Variants in EFHB observed in about 807,000 individuals in gnomAD.
The protein encoded by EFHB is EF-hand domain family member B.
A neutral mutation model predicts 87.2 loss-of-function variants in EFHB; 91 were observed. The ratio of observed to expected loss-of-function variants is 1.04; its 90% CI spans 0.88 to 1.24. The LOEUF is 1.24. EFHB is among the 50% of genes most tolerant of loss of function. EFHB has a pLI of 0.00. For missense variants in EFHB, 1,084 were observed against 998.8 expected, an observed-to-expected ratio of 1.09 and a Z score of -1.15; for synonymous variants, 325 against 333.6, an observed-to-expected ratio of 0.97 and a Z score of 0.28.
At chr3:19,927,943 T>C (rs1217460581) in intron 1 of EFHB, among the ~76,000 whole-genome samples, 1 of 148,678 alleles carries the variant, frequency 6.7e-6, no homozygotes, top group Non-Finnish European at 1.5e-5. Flanking sequence ...CTATAGTATA[T>C]ATATAGTATA....
At chr3:19,919,572 T>G (rs952100777) in intron 3 of EFHB, among the ~76,000 whole-genome samples, 9 of 152,172 alleles carry the variant, frequency 5.9e-5, no homozygotes, top group Non-Finnish European at 1.0e-4. Context: ...GAAAATGGAA[T>G]GCAACTAGGC....
At chr3:19,885,225 A>G (rs923766814) in intron 10 of EFHB, among the ~76,000 whole-genome samples, 95 of 151,656 alleles carry the variant, frequency 6.3e-4, no homozygotes, top group African/African-American at 2.1e-3. Context: ...TTCGTCTCAA[A>G]AAAAAAAAAA....
chr3:19,931,154 C>T (rs1207680767), intron 1 of EFHB, among the ~76,000 whole-genome samples: 1 of 152,024 alleles, frequency 6.6e-6, no homozygotes, highest in Non-Finnish European at 1.5e-5. Context: ...TGGAGTGAGA[C>T]TCTGTCTCAA....
intron 1 of EFHB, among the ~76,000 whole-genome samples, chr3:19,929,998 T>C (rs1695775631): frequency 6.6e-6 from 1 of 152,200 alleles, no homozygotes; most frequent in South Asian, 2.1e-4. Flanking sequence ...TCCATTTCTT[T>C]ACCTGTAAAA....
chr3:19,915,048 T>C (rs1400890343), intron 5 of EFHB, among the ~76,000 whole-genome samples: 2 of 151,736 alleles, frequency 1.3e-5, no homozygotes, highest in African/African-American at 2.4e-5. Flanking sequence ...ACCATGATCA[T>C]ACCACTGCAC....
intron 9 of EFHB, among the ~76,000 whole-genome samples, chr3:19,890,818 T>C (rs77145836): frequency 0.055 from 8,423 of 152,226 alleles, 344 homozygotes; most frequent in Middle Eastern, 0.082. Context: ...AGACCTCTTT[T>C]GAAAAGCAGC....
intron 6 of EFHB, among the ~76,000 whole-genome samples, chr3:19,900,619 C>G (rs915463619): frequency 1.3e-5 from 2 of 151,982 alleles, no homozygotes; most frequent in Admixed American, 6.6e-5. Flanking sequence ...TGATATAATC[C>G]AGATAGCAAT....
chr3:19,884,742 T>C (rs1694034275), intron 10 of EFHB, 127 bp from the exon 11 acceptor site: 3 of 829,246 alleles, frequency 3.6e-6, no homozygotes, highest in Non-Finnish European at 5.6e-6. Context: ...GCATGACCCC[T>C]CCACTGACCC....
intron 5 of EFHB, among the ~76,000 whole-genome samples, chr3:19,907,755 A>C (rs542589850): frequency 6.6e-6 from 1 of 152,358 alleles, no homozygotes; most frequent in East Asian, 1.9e-4. Flanking sequence ...ACTAGAGAAC[A>C]ACCAAGAGGG....
intron 1 of EFHB, among the ~76,000 whole-genome samples, chr3:19,939,561 T>G (rs1696108205): frequency 6.6e-6 from 1 of 151,664 alleles, no homozygotes; most frequent in East Asian, 1.9e-4. Context: ...ATTTTTTGTA[T>G]TTTTAGTAGC....
chr3:19,895,347 T>C (rs1694445004), intron 9 of EFHB, among the ~76,000 whole-genome samples: 1 of 151,512 alleles, frequency 6.6e-6, no homozygotes, highest in Non-Finnish European at 1.5e-5. Flanking sequence ...TCGGGCCTGG[T>C]GGCGGGCACC....
At position 19,882,742 on chromosome 3, in the gene EFHB, G is replaced by A; in HGVS notation, c.2147-11C>T. The A allele has an allele frequency of 1.9e-6, 3 of 1,606,590 alleles. No homozygotes were observed. Among genetic ancestry groups the A allele is most frequent in the Non-Finnish European group, 2.6e-6 (3 of 1,175,218 alleles). ...CACAAATGGGGTAACCTAGGTCATT[G>A]ATGAGGGAAGAAAACAGACATTCTA... On this transcript the variant is annotated splice_polypyrimidine_tract_variant and intron_variant, in intron 11 of 12. Transcript: ENST00000295824.
chr3:19,928,493 C>G (rs1296625864), intron 1 of EFHB, among the ~76,000 whole-genome samples: 14 of 152,104 alleles, frequency 9.2e-5, no homozygotes, highest in Admixed American at 9.2e-4. Context: ...GCTCTGTCGC[C>G]CAGGACAGTG....
chr3:19,923,481 T>TCC (rs997938840), intron 1 of EFHB, among the ~76,000 whole-genome samples: 1 of 152,132 alleles, frequency 6.6e-6, no homozygotes, highest in Non-Finnish European at 1.5e-5. Context: ...TCTACCATCC[T>TCC]CCCACCTCAG....
chr3:19,894,563 C>A (rs541105801), intron 9 of EFHB: 1 of 152,160 alleles, frequency 6.6e-6, no homozygotes, highest in Non-Finnish European at 1.5e-5. Context: ...AATGTGGCAT[C>A]CAATAATATA....
chr3:19,920,531 T>C lies in EFHB; in HGVS notation c.826A>G (p.Thr276Ala), dbSNP rs1169244936. 1.2e-6 allele frequency: 2 copies of C among 1,604,554 alleles called. No homozygotes were observed. Among genetic ancestry groups the C allele is most frequent in the Non-Finnish European group, 1.7e-6 (2 of 1,176,752 alleles). The stretch of plus-strand genomic sequence containing the variant: ...CTGGGAAGTTTTTCAGTCAAGCAGG[T>C]TGCAACTCTGTAACCAACTGGAATA... ...KVIPVGYRVA[T>A]CLTEKLPRLI... The change falls in exon 2 of 13, where the codon ACC (threonine) becomes GCC (alanine). Residue 276 changes from threonine to alanine, a missense_variant. Physicochemically the swap from Thr to Ala is moderately conservative, Grantham distance 58 (BLOSUM62 0). Transcript: ENST00000295824.
chr3:19,905,387 C>A (rs1315461587), intron 6 of EFHB, among the ~76,000 whole-genome samples: 1 of 151,618 alleles, frequency 6.6e-6, no homozygotes, highest in Non-Finnish European at 1.5e-5. Flanking sequence ...TGTTTGCTTG[C>A]AACTTCAGAA....
chr3:19,904,815 CG>C (rs1302675510), intron 6 of EFHB, among the ~76,000 whole-genome samples: 6 of 152,066 alleles, frequency 3.9e-5, no homozygotes, highest in Non-Finnish European at 2.9e-5. Context: ...TTGTGGAGGG[CG>C]GGGCGGCACC....
At chr3:19,907,941 C>A (rs1694893323) in intron 5 of EFHB, among the ~76,000 whole-genome samples, 1 of 152,140 alleles carries the variant, frequency 6.6e-6, no homozygotes, top group South Asian at 2.1e-4. Flanking sequence ...AATGGATATT[C>A]TCATACTCTG....
Sources: allele counts gnomAD v4.1 joint callset (sites outside exome capture counted in the v4.1 genomes callset), GRCh38; gene constraint gnomAD v4.1.1; transcripts MANE v1.5; gene names NCBI Gene and HGNC (gene_info 2026-07-23, HGNC 2026-07-21).